Variants in LPAR1 observed in about 807,000 individuals in gnomAD.
LPAR1 encodes lysophosphatidic acid receptor 1.
In LPAR1, 5 loss-of-function variants were observed where a neutral mutation model predicts 23.8. That is an observed-to-expected ratio of 0.21 (90% CI 0.11 to 0.44). LPAR1 has a LOEUF of 0.44. Ranked by LOEUF, LPAR1 falls within the 20% of genes least tolerant of loss-of-function variation. The pLI is 0.99. For synonymous variants in LPAR1, 160 were observed against 164.7 expected (o/e 0.97, Z 0.22); for missense variants, 311 against 482.8 (o/e 0.64, Z 3.33).
At chr9:110,995,151 A>C (rs2096972068) in intron 2 of LPAR1, among the ~76,000 whole-genome samples, 1 of 152,142 alleles carries the variant, frequency 6.6e-6, no homozygotes, top group Admixed American at 6.6e-5. Flanking sequence ...TACATTATGA[A>C]ATTTCTTCTG....
chr9:111,024,740 C>A (rs2097653703), intron 2 of LPAR1, among the ~76,000 whole-genome samples: 1 of 151,796 alleles, frequency 6.6e-6, no homozygotes, highest in African/African-American at 2.4e-5. Context: ...GTGATGTTCC[C>A]CTCCCTGTGC....
intron 5 of LPAR1, among the ~76,000 whole-genome samples, chr9:110,908,918 AG>A (rs2091907619): frequency 6.6e-6 from 1 of 152,228 alleles, no homozygotes; most frequent in Admixed American, 6.5e-5. Flanking sequence ...GGATAAACAT[AG>A]AAATTGACCT....
intron 5 of LPAR1, among the ~76,000 whole-genome samples, chr9:110,885,931 C>G (rs2082243217): frequency 6.6e-6 from 1 of 151,762 alleles, no homozygotes; most frequent in Admixed American, 6.6e-5. Flanking sequence ...GGCGTGGTGG[C>G]TCATGCCTGT....
intron 5 of LPAR1, among the ~76,000 whole-genome samples, chr9:110,906,619 G>A (rs1307128667): frequency 1.3e-5 from 2 of 152,000 alleles, no homozygotes; most frequent in African/African-American, 4.8e-5. Context: ...TCTTGGGTTT[G>A]ACTCTTACAC....
At chr9:111,022,866 C>T (rs1212501508) in intron 2 of LPAR1, among the ~76,000 whole-genome samples, 3 of 151,616 alleles carry the variant, frequency 2.0e-5, no homozygotes, top group Admixed American at 6.6e-5. Flanking sequence ...CTGGCTAACA[C>T]GGTAAAACCC....
chr9:110,896,769 G>A (rs1048216256), intron 5 of LPAR1, among the ~76,000 whole-genome samples: 1 of 150,480 alleles, frequency 6.6e-6, no homozygotes, highest in Non-Finnish European at 1.5e-5. Context: ...ATTTGAATAT[G>A]CAACTATTTA....
chr9:110,975,881 A>C lies in LPAR1; in HGVS notation c.-181-2323T>G, dbSNP rs80327747. On this transcript the variant is annotated intron_variant, in intron 2 of 5. Transcript: ENST00000683809. ...CTAATTTTGTTGAACCTATTCACAC[A>C]TTACAAGAACGCTTTATAAAATAGT... Among the ~76,000 whole-genome samples, 152 of 152,360 alleles carry C rather than the reference A, an allele frequency of 1.0e-3. 1 individual carries two copies. The highest frequency in any genetic ancestry group is 3.5e-3 in the African/African-American group (147 of 41,592).
chr9:110,912,362 A>G (rs982949839), intron 5 of LPAR1, among the ~76,000 whole-genome samples: 2 of 152,164 alleles, frequency 1.3e-5, no homozygotes, highest in Admixed American at 6.5e-5. Context: ...TACAAATGCA[A>G]ATATTTGATC....
At chr9:111,015,160 G>C (rs2097417906) in intron 2 of LPAR1, among the ~76,000 whole-genome samples, 1 of 152,130 alleles carries the variant, frequency 6.6e-6, no homozygotes, top group Non-Finnish European at 1.5e-5. Flanking sequence ...CCAGCCTCCA[G>C]AATTGTGAGA....
chr9:110,964,716 A>C (rs1201240962), intron 4 of LPAR1, among the ~76,000 whole-genome samples: 1 of 152,188 alleles, frequency 6.6e-6, no homozygotes, highest in Non-Finnish European at 1.5e-5. Flanking sequence ...CTTTGATAAA[A>C]AAAAAATCCA....
At chr9:111,025,205 G>T (rs1271287542) in intron 2 of LPAR1, among the ~76,000 whole-genome samples, 2 of 152,124 alleles carry the variant, frequency 1.3e-5, no homozygotes, top group African/African-American at 4.8e-5. Flanking sequence ...ATCCTCTCCA[G>T]CATCTGTTGA....
At chr9:111,002,761 C>G (rs1219900608) in intron 2 of LPAR1, among the ~76,000 whole-genome samples, 1 of 152,126 alleles carries the variant, frequency 6.6e-6, no homozygotes, top group South Asian at 2.1e-4. Flanking sequence ...TAACAACTTT[C>G]AGTAAAAGAG....
chr9:110,985,383 T>C (rs1334084810), intron 2 of LPAR1, among the ~76,000 whole-genome samples: 2 of 151,388 alleles, frequency 1.3e-5, no homozygotes, highest in Non-Finnish European at 2.9e-5. Flanking sequence ...CTCCAGCTTT[T>C]CAATTAGATC....
At chr9:110,894,530 AT>A (rs1234800801) in intron 5 of LPAR1, among the ~76,000 whole-genome samples, 1 of 152,162 alleles carries the variant, frequency 6.6e-6, no homozygotes, top group Non-Finnish European at 1.5e-5. Flanking sequence ...AAATGTGGAT[AT>A]TTTGGGTGAA....
intron 5 of LPAR1, among the ~76,000 whole-genome samples, chr9:110,910,100 T>G (rs1009279858): frequency 6.6e-6 from 1 of 152,120 alleles, no homozygotes; most frequent in Admixed American, 6.6e-5. Context: ...GACCAATAAG[T>G]GCAGAGAGAA....
At chr9:111,030,127 T>C (rs1429462590) in intron 2 of LPAR1, among the ~76,000 whole-genome samples, 2 of 151,490 alleles carry the variant, frequency 1.3e-5, no homozygotes, top group East Asian at 1.9e-4. Context: ...ATCAGCTGCA[T>C]GAAACTAAAC....
At chr9:110,934,006 C>T (rs1320625576) in intron 5 of LPAR1, among the ~76,000 whole-genome samples, 1 of 152,184 alleles carries the variant, frequency 6.6e-6, no homozygotes, top group African/African-American at 2.4e-5. Context: ...CACTGTGGGA[C>T]TTTTGCAAGG....
intron 5 of LPAR1, among the ~76,000 whole-genome samples, chr9:110,914,862 C>T (rs2092906749): frequency 6.6e-6 from 1 of 152,050 alleles, no homozygotes. Flanking sequence ...AATGTTTTAG[C>T]TCTCGAGCTA....
chr9:110,938,708 GA>G (rs71494806), intron 5 of LPAR1, among the ~76,000 whole-genome samples: 57,761 of 146,494 alleles, frequency 0.39, 11,794 homozygotes, highest in East Asian at 0.81. Flanking sequence ...AAAGAAAAAA[GA>G]AAAAAAAAAA....
Sources: allele counts gnomAD v4.1 joint callset (sites outside exome capture counted in the v4.1 genomes callset), GRCh38; gene constraint gnomAD v4.1.1; transcripts MANE v1.5; gene names NCBI Gene and HGNC (gene_info 2026-07-23, HGNC 2026-07-21).